The following PRR16 variants were observed in gnomAD, a reference collection of about 807,000 sequenced individuals.
PRR16 encodes the protein proline rich 16.
In PRR16, 6 loss-of-function variants were observed where a neutral mutation model predicts 18.2. The observed-to-expected ratio is 0.33, with a 90% CI of 0.18 to 0.65. The LOEUF (loss-of-function observed/expected upper bound fraction) is 0.65, where lower values mean the gene tolerates loss of function less well. Among genes scored for constraint, PRR16 ranks in the 30% least tolerant of loss-of-function variants. PRR16 has a pLI of 0.74. For synonymous variants in PRR16, 151 were observed against 147.8 expected (o/e 1.02, Z -0.16); for missense variants, 412 against 376.6 (o/e 1.09, Z -0.78).
intron 1 of PRR16, among the ~76,000 whole-genome samples, chr5:120,558,392 A>G (rs1426284449): frequency 1.3e-5 from 2 of 151,882 alleles, no homozygotes; most frequent in African/African-American, 4.8e-5. Context: ...ACAAATTAGA[A>G]CATGTGAATT....
chr5:120,551,165 A>G lies in PRR16; in HGVS notation c.159+86520A>G, dbSNP rs542160816. 1.8e-4 allele frequency among the ~76,000 whole-genome samples: 28 copies of G among 152,102 alleles called. 1 individual carries two copies. The South Asian group carries it at 5.6e-3, about 30-fold the overall frequency. ...CCAGAACTTATGCACCCTTTGAACA[A>G]CATGTCTTCATTTCCCTGTCATCCT... On this transcript the variant is annotated intron_variant, in intron 1 of 1. Coordinates refer to ENST00000407149, the MANE Select transcript of PRR16 (RefSeq NM_001300783.2).
intron 1 of PRR16, among the ~76,000 whole-genome samples, chr5:120,472,020 A>G (rs919742614): frequency 4.2e-4 from 64 of 152,158 alleles, no homozygotes; most frequent in Non-Finnish European, 8.2e-4. Flanking sequence ...TAACACTGTT[A>G]GGACTGAATT....
At chr5:120,502,903 A>G (rs1336893713) in intron 1 of PRR16, among the ~76,000 whole-genome samples, 1 of 152,210 alleles carries the variant, frequency 6.6e-6, no homozygotes, top group African/African-American at 2.4e-5. Context: ...TAGGAGGCAA[A>G]TGAGCTCCTT....
chr5:120,465,451 T>A (rs1749045250), intron 1 of PRR16, among the ~76,000 whole-genome samples: 1 of 152,216 alleles, frequency 6.6e-6, no homozygotes, highest in Non-Finnish European at 1.5e-5. Flanking sequence ...CTGCTTCGGT[T>A]CTTCCCCGCT....
At chr5:120,636,408 A>C (rs375382819) in intron 1 of PRR16, among the ~76,000 whole-genome samples, 1 of 152,166 alleles carries the variant, frequency 6.6e-6, no homozygotes, top group Non-Finnish European at 1.5e-5. Flanking sequence ...AAAACAGCAT[A>C]GTAGCAGTAT....
chr5:120,706,845 T>C, the PRR16 span, among the ~76,000 whole-genome samples: 15 of 152,194 alleles, frequency 9.9e-5, no homozygotes, highest in African/African-American at 3.4e-4. Context: ...GCCACTGCTC[T>C]AAGCTATTGT....
chr5:120,480,829 A>G (rs1376905323), intron 1 of PRR16, among the ~76,000 whole-genome samples: 1 of 152,222 alleles, frequency 6.6e-6, no homozygotes, highest in Non-Finnish European at 1.5e-5. Flanking sequence ...GAGCTGAAAC[A>G]AGATGATGAT....
At chr5:120,652,203 A>G (rs1755814757) in intron 1 of PRR16, among the ~76,000 whole-genome samples, 2 of 152,116 alleles carry the variant, frequency 1.3e-5, no homozygotes, top group African/African-American at 2.4e-5. Context: ...AGATGATTCT[A>G]TGGAAAAGAA....
At chr5:120,688,131 C>T (rs1189824954), downstream of PRR16, among the ~76,000 whole-genome samples, 1 of 152,162 alleles carries the variant, frequency 6.6e-6, no homozygotes, top group Non-Finnish European at 1.5e-5. Context: ...AGCCTTCAAT[C>T]GTATTTCTTT....
chr5:120,669,649 C>G (rs1756526312), intron 1 of PRR16, among the ~76,000 whole-genome samples: 1 of 151,708 alleles, frequency 6.6e-6, no homozygotes, highest in African/African-American at 2.4e-5. Flanking sequence ...TTTAAATTAC[C>G]CAGCATATTT....
Position 120,464,410 on chromosome 5 carries a change from A to G in PRR16, c.-77A>G, listed in dbSNP as rs1749008594. 1 of 1,452,912 alleles carries G rather than the reference A, an allele frequency of 6.9e-7. No individual in the cohort carries two copies. The highest frequency in any genetic ancestry group is 2.2e-5 in the Admixed American group (1 of 45,216). 90.0% of individuals were successfully genotyped at this position (1,452,912 alleles called of 1,614,324 possible). On this transcript the variant is annotated 5_prime_UTR_variant, in exon 1 of 2. Transcript: ENST00000407149. ...GGGGGACCGGGGCGGCAGCGGCCGT[A>G]GCAGCGCCAGGGACGGGGGCACGCA...
At chr5:120,655,889 G>C (rs781522272) in intron 1 of PRR16, among the ~76,000 whole-genome samples, 1 of 151,674 alleles carries the variant, frequency 6.6e-6, no homozygotes, top group African/African-American at 2.4e-5. Context: ...CCAATTCCTT[G>C]GATAGGGATG....
the PRR16 span, among the ~76,000 whole-genome samples, chr5:120,771,519 G>C: frequency 6.6e-6 from 1 of 152,098 alleles, no homozygotes; most frequent in African/African-American, 2.4e-5. Context: ...ATCGAGAGAT[G>C]TCTCTATGGA....
At chr5:120,682,975 T>C (rs1476832360) in intron 1 of PRR16, among the ~76,000 whole-genome samples, 1 of 152,190 alleles carries the variant, frequency 6.6e-6, no homozygotes, top group Non-Finnish European at 1.5e-5. Flanking sequence ...TTTAAGGATG[T>C]GTCAGAGTTA....
At chr5:120,759,406 G>A in the PRR16 span, among the ~76,000 whole-genome samples, 1 of 151,830 alleles carries the variant, frequency 6.6e-6, no homozygotes, top group Non-Finnish European at 1.5e-5. Flanking sequence ...AACATATAAA[G>A]AACTCTTAAG....
At chr5:120,622,501 A>C (rs1040914435) in intron 1 of PRR16, among the ~76,000 whole-genome samples, 1 of 151,638 alleles carries the variant, frequency 6.6e-6, no homozygotes, top group Non-Finnish European at 1.5e-5. Context: ...ATTTTTTGAG[A>C]TGGAGTCTTG....
chr5:120,487,012 G>C (rs370014636), intron 1 of PRR16, among the ~76,000 whole-genome samples: 2 of 152,140 alleles, frequency 1.3e-5, no homozygotes, highest in Non-Finnish European at 2.9e-5. Context: ...CTATATCTCT[G>C]TTTTGGTACC....
the PRR16 span, among the ~76,000 whole-genome samples, chr5:120,747,850 A>G: frequency 6.6e-6 from 1 of 152,160 alleles, no homozygotes; most frequent in Admixed American, 6.6e-5. Flanking sequence ...TGTTTTCCTT[A>G]GATTACTAGA....
chr5:120,589,516 A>G (rs964309535), intron 1 of PRR16, among the ~76,000 whole-genome samples: 1 of 152,130 alleles, frequency 6.6e-6, no homozygotes, highest in African/African-American at 2.4e-5. Flanking sequence ...GTATTCTCAC[A>G]CTGCTGATAA....
Sources: gnomAD v4.1 joint callset for allele counts (sites outside exome capture counted in the v4.1 genomes callset) on GRCh38, gnomAD v4.1.1 for gene constraint, MANE v1.5 for transcripts, NCBI Gene and HGNC (gene_info 2026-07-23, HGNC 2026-07-21) for gene names.